NUBPL: variants seen among roughly 807,000 people sequenced by gnomAD.
NUBPL encodes the protein iron-sulfur cluster transfer protein NUBPL.
A neutral mutation model predicts 45.7 loss-of-function variants in NUBPL; 31 were observed. That is an observed-to-expected ratio of 0.68 (90% CI 0.51 to 0.92). The LOEUF is 0.92. Ranked by LOEUF, NUBPL falls within the 40% of genes least tolerant of loss-of-function variation. The pLI is 0.00. For missense variants in NUBPL, 401 were observed against 398.7 expected (o/e 1.01, Z -0.05); for synonymous variants, 144 against 140.9 (o/e 1.02, Z -0.15).
At chr14:31,688,657 TG>T (rs1425192158) in intron 6 of NUBPL, among the ~76,000 whole-genome samples, 21 of 95,638 alleles carry the variant, frequency 2.2e-4, no homozygotes, top group African/African-American at 2.4e-4. Flanking sequence ...TTTTTGTTGT[TG>T]TTTTTTTTTT....
chr14:31,719,746 G>A (rs1187194531), intron 6 of NUBPL, among the ~76,000 whole-genome samples: 1 of 151,986 alleles, frequency 6.6e-6, no homozygotes, highest in Non-Finnish European at 1.5e-5. Context: ...AATTATAATG[G>A]CCCATTACCC....
At chr14:31,621,869 A>G (rs2035072708) in intron 4 of NUBPL, among the ~76,000 whole-genome samples, 1 of 152,294 alleles carries the variant, frequency 6.6e-6, no homozygotes, top group East Asian at 1.9e-4. Flanking sequence ...TCTAAAGATA[A>G]CCTTAAAATG....
chr14:31,793,982 T>A (rs1424533289), intron 7 of NUBPL, among the ~76,000 whole-genome samples: 1 of 102,236 alleles, frequency 9.8e-6, no homozygotes, highest in Admixed American at 1.1e-4. Flanking sequence ...TATGCGGTGT[T>A]TGGTTTTTTG....
intron 7 of NUBPL, among the ~76,000 whole-genome samples, chr14:31,825,642 T>G (rs1053175951): frequency 1.3e-5 from 1 of 74,894 alleles, no homozygotes; most frequent in Non-Finnish European, 2.4e-5. Context: ...CCTCCCCTCT[T>G]TCTCCTTTCC....
At chr14:31,756,852 C>G (rs2038677471) in intron 6 of NUBPL, among the ~76,000 whole-genome samples, 1 of 150,888 alleles carries the variant, frequency 6.6e-6, no homozygotes, top group Non-Finnish European at 1.5e-5. Context: ...ATAGATAGCT[C>G]TTATTATTTT....
At chr14:31,855,305 CA>C (rs2040599415) in intron 10 of NUBPL, among the ~76,000 whole-genome samples, 1 of 152,114 alleles carries the variant, frequency 6.6e-6, no homozygotes. Flanking sequence ...TATTTATAAA[CA>C]AAAACTATTG....
chr14:31,772,776 G>A (rs2039030943), intron 6 of NUBPL, among the ~76,000 whole-genome samples: 1 of 152,080 alleles, frequency 6.6e-6, no homozygotes, highest in African/African-American at 2.4e-5. Flanking sequence ...AAAGGAGTAA[G>A]TTTCTTCTTT....
chr14:31,750,185 T>A lies in NUBPL; in HGVS notation c.514-37595T>A, dbSNP rs1469538797. On this transcript the variant is annotated intron_variant, in intron 6 of 10. Coordinates refer to ENST00000281081, the MANE Select transcript of NUBPL (RefSeq NM_025152.3). ...CTTACAATCATTATTATTATTTTTT[T>A]TTTTTTTGAGACGGAGTCTTGCTCT... 6.3e-3 allele frequency among the ~76,000 whole-genome samples: 946 copies of A among 150,702 alleles called. 5 individuals are homozygous for A. The highest frequency in any genetic ancestry group is 0.01 in the Non-Finnish European group (690 of 67,554).
chr14:31,699,682 C>T (rs1462205657), intron 6 of NUBPL, among the ~76,000 whole-genome samples: 1 of 152,144 alleles, frequency 6.6e-6, no homozygotes, highest in Non-Finnish European at 1.5e-5. Flanking sequence ...TTCCCAAGTT[C>T]TCATTCAGCT....
chr14:31,664,158 T>A (rs942755813), intron 4 of NUBPL, among the ~76,000 whole-genome samples: 1 of 152,198 alleles, frequency 6.6e-6, no homozygotes, highest in African/African-American at 2.4e-5. Flanking sequence ...GGGGGTTTTT[T>A]AAATAAACAA....
chr14:31,759,109 A>G (rs972217810), intron 6 of NUBPL, among the ~76,000 whole-genome samples: 1 of 152,200 alleles, frequency 6.6e-6, no homozygotes, highest in Admixed American at 6.5e-5. Context: ...TCCTAAGTCC[A>G]AAGTGCTATA....
chr14:31,641,706 T>G (rs2035705496), intron 4 of NUBPL, among the ~76,000 whole-genome samples: 1 of 152,214 alleles, frequency 6.6e-6, no homozygotes, highest in South Asian at 2.1e-4. Flanking sequence ...AGCAGTCAAA[T>G]TGCTGGATCA....
chr14:31,655,743 T>C (rs1192452130), intron 4 of NUBPL, among the ~76,000 whole-genome samples: 1 of 152,212 alleles, frequency 6.6e-6, no homozygotes, highest in Non-Finnish European at 1.5e-5. Context: ...CATGCTGTGC[T>C]GTCAGCCAGG....
At chr14:31,613,814 A>G (rs919766621) in intron 4 of NUBPL, among the ~76,000 whole-genome samples, 1 of 152,092 alleles carries the variant, frequency 6.6e-6, no homozygotes, top group Non-Finnish European at 1.5e-5. Flanking sequence ...CCCTATCTCC[A>G]TGTTGTGATT....
In NUBPL at chr14:31,561,502, C is replaced by A; in HGVS notation, c.63C>A (p.Ala21=). The A allele has an allele frequency of 7.2e-7, 1 of 1,393,270 alleles. No individual in the cohort carries two copies. 86.3% of individuals were successfully genotyped at this position (1,393,270 alleles called of 1,614,324 possible). The change falls in exon 1 of 11, where the codon GCC becomes GCA. Residue 21 remains alanine (A), a synonymous_variant. Coordinates refer to ENST00000281081, the MANE Select transcript of NUBPL (RefSeq NM_025152.3). ...TGTCGCTCCGGGCTGGTGGCGGGGCCACTGCCCCGCTTGGGGGAAGCCGAG... is the reference window on the plus strand; with the variant it reads ...TGTCGCTCCGGGCTGGTGGCGGGGCAACTGCCCCGCTTGGGGGAAGCCGAG... ...GGVSLRAGGG[A]TAPLGGSRAM...
chr14:31,817,171 T>G (rs1233833058), intron 7 of NUBPL, among the ~76,000 whole-genome samples: 2 of 147,922 alleles, frequency 1.4e-5, no homozygotes, highest in African/African-American at 2.7e-5. Flanking sequence ...TCCAGAAACA[T>G]GTGAAAAGAC....
intron 7 of NUBPL, among the ~76,000 whole-genome samples, chr14:31,812,138 CA>C (rs1209758883): frequency 6.6e-6 from 1 of 152,216 alleles, no homozygotes; most frequent in African/African-American, 2.4e-5. Context: ...TCTCAGAGTT[CA>C]AACACCATGC....
chr14:31,719,648 G>T (rs950898302), intron 6 of NUBPL, among the ~76,000 whole-genome samples: 1 of 150,738 alleles, frequency 6.6e-6, no homozygotes, highest in Non-Finnish European at 1.5e-5. Context: ...TAGGTGCATA[G>T]CATTAAAGCA....
chr14:31,857,876 A>G (rs1024721415), intron 10 of NUBPL, among the ~76,000 whole-genome samples: 2 of 152,078 alleles, frequency 1.3e-5, no homozygotes, highest in Non-Finnish European at 2.9e-5. Context: ...GAGCCCTCCA[A>G]ACTGTTCCAA....
Sources: allele counts gnomAD v4.1 joint callset (sites outside exome capture counted in the v4.1 genomes callset), GRCh38; gene constraint gnomAD v4.1.1; transcripts MANE v1.5; gene names NCBI Gene and HGNC (gene_info 2026-07-23, HGNC 2026-07-21).